Variants in ATP8A1 observed in about 807,000 individuals in gnomAD.
ATP8A1 encodes phospholipid-transporting ATPase IA.
Under a neutral mutation model 177.7 loss-of-function variants are expected in ATP8A1, and 90 were observed. That is an observed-to-expected ratio of 0.51 (90% CI 0.43 to 0.60). ATP8A1 has a LOEUF of 0.60. Ranked by LOEUF, ATP8A1 falls within the 20% of genes least tolerant of loss-of-function variation. ATP8A1 has a pLI of 0.00. For synonymous variants in ATP8A1, 493 were observed against 485.9 expected (o/e 1.01, Z -0.19); for missense variants, 1,072 against 1,392.8 (o/e 0.77, Z 3.67).
chr4:42,608,642 G>A (rs1736067842), intron 5 of ATP8A1, among the ~76,000 whole-genome samples: 1 of 152,154 alleles, frequency 6.6e-6, no homozygotes, highest in Non-Finnish European at 1.5e-5. Flanking sequence ...ACAGGCGTCA[G>A]CCACCGCACC....
At chr4:42,619,408 A>G (rs984216759) in intron 4 of ATP8A1, among the ~76,000 whole-genome samples, 2 of 152,178 alleles carry the variant, frequency 1.3e-5, no homozygotes, top group Non-Finnish European at 2.9e-5. Context: ...CATTTAGCAT[A>G]ATACAGCTTT....
chr4:42,443,313 C>T (rs552234147), intron 33 of ATP8A1, among the ~76,000 whole-genome samples: 4 of 152,166 alleles, frequency 2.6e-5, no homozygotes, highest in Admixed American at 6.5e-5. Context: ...TTCAAGCTCC[C>T]GACAACCATA....
At chr4:42,612,275 G>C (rs73237911) in intron 5 of ATP8A1, among the ~76,000 whole-genome samples, 34,009 of 151,222 alleles carry the variant, frequency 0.22, 4,298 homozygotes, top group Non-Finnish European at 0.29. Context: ...TATGTATACT[G>C]AAGTATTTAT....
chr4:42,537,912 A>G (rs1383307093), intron 20 of ATP8A1, among the ~76,000 whole-genome samples: 1 of 152,160 alleles, frequency 6.6e-6, no homozygotes, highest in Non-Finnish European at 1.5e-5. Context: ...AAATAATCCT[A>G]AATTTTGTAT....
intron 16 of ATP8A1, 66 bp downstream of exon 16, chr4:42,555,902 T>C (rs558814098): frequency 1.8e-5 from 19 of 1,030,860 alleles, no homozygotes; most frequent in African/African-American, 4.8e-5. Flanking sequence ...ACATAGAAGA[T>C]AGTTCAGAGA....
intron 31 of ATP8A1, among the ~76,000 whole-genome samples, chr4:42,445,351 G>A (rs1717095072): frequency 6.6e-6 from 1 of 152,064 alleles, no homozygotes; most frequent in Admixed American, 6.5e-5. Flanking sequence ...TCTGTGTCTC[G>A]ACTCCTATAC....
chr4:42,586,470 G>C lies in ATP8A1; in HGVS notation c.601C>G (p.Pro201Ala), dbSNP rs369714086. 1.9e-6 allele frequency: 3 copies of C among 1,613,576 alleles called. No individual in the cohort carries two copies. The highest frequency in any genetic ancestry group is 2.5e-6 in the Non-Finnish European group (3 of 1,179,906). ...ETNLKIRQGL[P>A]ATSDIKDVDS... ...ACGTCTTTGATATCTGATGTTGCTG[G>C]TAAGCCCTGTTTGGAATTTTTAAAT... The change falls in exon 9 of 37, where the codon CCA becomes GCA. Residue 201 changes from proline (P) to alanine (A), a missense_variant. This residue lies in a region of ATP8A1 where 344 missense variants were observed against 393.5 expected (regional missense o/e 0.87). Transcript: ENST00000381668.
chr4:42,565,093 C>T (rs1039934789), intron 15 of ATP8A1, among the ~76,000 whole-genome samples: 5 of 152,174 alleles, frequency 3.3e-5, no homozygotes, highest in African/African-American at 1.2e-4. Context: ...TGAGGCTTCC[C>T]CAGCCACATG....
intron 35 of ATP8A1, among the ~76,000 whole-genome samples, chr4:42,415,930 A>C (rs767378437): frequency 6.6e-6 from 1 of 152,224 alleles, no homozygotes; most frequent in Non-Finnish European, 1.5e-5. Context: ...AATCTTCCAC[A>C]TATATATTTT....
At chr4:42,589,711 A>G (rs920368754) in intron 7 of ATP8A1, among the ~76,000 whole-genome samples, 2 of 152,190 alleles carry the variant, frequency 1.3e-5, no homozygotes, top group African/African-American at 4.8e-5. Flanking sequence ...CGAAATTTGT[A>G]ATTTACTTAT....
At chr4:42,553,900 T>C (rs1440361297) in intron 16 of ATP8A1, among the ~76,000 whole-genome samples, 1 of 152,160 alleles carries the variant, frequency 6.6e-6, no homozygotes, top group African/African-American at 2.4e-5. Flanking sequence ...GATGAAGTTT[T>C]AGCCTCATGA....
chr4:42,542,580 C>T (rs573926562), intron 20 of ATP8A1, among the ~76,000 whole-genome samples: 14 of 152,282 alleles, frequency 9.2e-5, no homozygotes, highest in Non-Finnish European at 1.6e-4. Flanking sequence ...TCTCCTAATG[C>T]TATCCCTCCC....
At chr4:42,533,191 G>A (rs1481827555) in intron 20 of ATP8A1, among the ~76,000 whole-genome samples, 1 of 139,058 alleles carries the variant, frequency 7.2e-6, no homozygotes, top group Non-Finnish European at 1.5e-5. Context: ...AGGCTCCATG[G>A]GACAGCTGAG....
intron 1 of ATP8A1, among the ~76,000 whole-genome samples, chr4:42,649,839 G>A (rs745726543): frequency 2.0e-4 from 31 of 152,122 alleles, no homozygotes; most frequent in Admixed American, 4.6e-4. Context: ...TTAGGACATA[G>A]ATTCATTCAT....
At chr4:42,434,178 T>TA (rs950786199) in intron 33 of ATP8A1, among the ~76,000 whole-genome samples, 6 of 152,054 alleles carry the variant, frequency 3.9e-5, no homozygotes, top group Admixed American at 1.3e-4. Flanking sequence ...ACAGTATTAG[T>TA]AAAAAAAATT....
chr4:42,635,754 T>TACACACATAC (rs1739213693), intron 1 of ATP8A1, among the ~76,000 whole-genome samples: 1 of 81,794 alleles, frequency 1.2e-5, no homozygotes, highest in African/African-American at 4.2e-5. Flanking sequence ...TACATATATA[T>TACACACATAC]ACACACACAC....
chr4:42,653,490 C>T (rs1741319361), intron 1 of ATP8A1, among the ~76,000 whole-genome samples: 3 of 152,156 alleles, frequency 2.0e-5, no homozygotes, highest in Admixed American at 2.0e-4. Flanking sequence ...AATCTGATTC[C>T]TCCCTTCCCA....
chr4:42,544,336 TTA>T (rs1434561275), intron 19 of ATP8A1, among the ~76,000 whole-genome samples: 1 of 152,230 alleles, frequency 6.6e-6, no homozygotes, highest in Non-Finnish European at 1.5e-5. Flanking sequence ...ATAAATTATG[TTA>T]TAGTTTTTAT....
At chr4:42,509,280 T>C (rs959665247) in intron 22 of ATP8A1, among the ~76,000 whole-genome samples, 2 of 152,220 alleles carry the variant, frequency 1.3e-5, no homozygotes, top group African/African-American at 4.8e-5. Context: ...GCCCTCAGCA[T>C]ATTTCCAAAT....
Sources: gnomAD v4.1 joint callset for allele counts (sites outside exome capture counted in the v4.1 genomes callset) on GRCh38, gnomAD v4.1.1 for gene constraint, gnomAD v4.1.1 regional missense constraint, MANE v1.5 for transcripts, NCBI Gene and HGNC (gene_info 2026-07-23, HGNC 2026-07-21) for gene names.